The following FAXDC2 variants were observed in gnomAD, a reference collection of about 807,000 sequenced individuals.
FAXDC2 encodes fatty acid hydroxylase domain containing 2, also known as fatty acid hydroxylase domain-containing protein 2.
FAXDC2 carries 41 observed loss-of-function variants against 40.9 expected under a neutral mutation model. That is an observed-to-expected ratio of 1.00 (90% CI 0.78 to 1.30). FAXDC2 has a LOEUF of 1.30. FAXDC2 is among the 50% of genes most tolerant of loss of function. The pLI is 0.00. For synonymous variants in FAXDC2, 157 were observed against 149.3 expected (o/e 1.05, Z -0.38); for missense variants, 390 against 408.8 (o/e 0.95, Z 0.40).
chr5:154,826,294 G>A (rs553264586), intron 5 of FAXDC2, among the ~76,000 whole-genome samples: 3 of 152,250 alleles, frequency 2.0e-5, no homozygotes, highest in South Asian at 2.1e-4. Context: ...TTGTGAGGCC[G>A]AGGTGGATGG....
intron 2 of FAXDC2, among the ~76,000 whole-genome samples, chr5:154,836,823 T>C (rs1760360578): frequency 1.3e-5 from 2 of 152,062 alleles, no homozygotes; most frequent in African/African-American, 2.4e-5. Context: ...TGCAGGTGCC[T>C]GCCACCAAGC....
intron 5 of FAXDC2, among the ~76,000 whole-genome samples, chr5:154,825,342 C>T (rs1410353414): frequency 1.1e-4 from 11 of 101,816 alleles, no homozygotes; most frequent in African/African-American, 2.8e-4. Context: ...ACTCTAGCCT[C>T]GGTGACAGAG....
In FAXDC2 at chr5:154,822,556, G is replaced by A; in HGVS notation, c.594C>T (p.Phe198=). 1 of 1,614,080 alleles carries A rather than the reference G, an allele frequency of 6.2e-7. No homozygotes were observed. Among genetic ancestry groups the A allele is most frequent in the South Asian group, 1.1e-5 (1 of 91,088 alleles). The change falls in exon 7 of 9, where the codon TTC becomes TTT. Residue 198 remains phenylalanine, a synonymous_variant. Coordinates refer to ENST00000326080, the MANE Select transcript of FAXDC2 (RefSeq NM_032385.5). The part of the protein sequence containing the change: ...YSHRLLHHPT[F]YKKIHKKHHE... ...GGTGTTTCTTGTGGATTTTCTTGTAGAATGTTGGGTGGTGAAGGAGCCTGG... is the reference window on the plus strand; with the variant it reads ...GGTGTTTCTTGTGGATTTTCTTGTAAAATGTTGGGTGGTGAAGGAGCCTGG...
At chr5:154,826,265 T>C (rs1037911262) in intron 5 of FAXDC2, among the ~76,000 whole-genome samples, 2 of 152,000 alleles carry the variant, frequency 1.3e-5, no homozygotes, top group African/African-American at 2.4e-5. Context: ...CGGTGGCTCA[T>C]GCCTGTAATC....
At chr5:154,829,753 C>T (rs532347598) in intron 5 of FAXDC2, among the ~76,000 whole-genome samples, 1 of 152,304 alleles carries the variant, frequency 6.6e-6, no homozygotes, top group South Asian at 2.1e-4. Context: ...AGGTTCTTGG[C>T]CTCAGTTGAA....
In FAXDC2 at chr5:154,847,996, C is replaced by T. The variant is rs997776544; in HGVS notation, c.-1+2487G>A. ...CTGGGACCACAGGTGCCTGCCACCACGCCTGGCTAATTTTTTGTATTTTTA... is the reference window on the plus strand; with the variant it reads ...CTGGGACCACAGGTGCCTGCCACCATGCCTGGCTAATTTTTTGTATTTTTA... On this transcript the variant is annotated intron_variant, in intron 1 of 8. Coordinates refer to ENST00000326080, the MANE Select transcript of FAXDC2 (RefSeq NM_032385.5). 7.9e-5 allele frequency among the ~76,000 whole-genome samples: 12 copies of T among 151,860 alleles called. No individual in the cohort carries two copies. In the East Asian group the frequency reaches 1.2e-3, roughly 15 times the overall value.
chr5:154,834,457 C>T (rs1760268063), intron 4 of FAXDC2, among the ~76,000 whole-genome samples, 168 bp downstream of exon 4: 1 of 152,170 alleles, frequency 6.6e-6, no homozygotes, highest in Non-Finnish European at 1.5e-5. Context: ...TGTTTTCAGA[C>T]TGCCCACAAG....
At chr5:154,835,245 A>G (rs778313393) in intron 2 of FAXDC2, 8 of 279,874 alleles carry the variant, frequency 2.9e-5, no homozygotes, top group Non-Finnish European at 4.8e-5. Context: ...TATCAGCCAT[A>G]GGATTTCATC....
intron 5 of FAXDC2, among the ~76,000 whole-genome samples, chr5:154,826,975 T>G (rs1760054280): frequency 2.0e-5 from 3 of 152,218 alleles, no homozygotes; most frequent in Admixed American, 2.0e-4. Flanking sequence ...GTATGTATTT[T>G]TAACATTTTT....
intron 1 of FAXDC2, among the ~76,000 whole-genome samples, chr5:154,845,976 T>A (rs189503229): frequency 0.022 from 3,228 of 147,006 alleles, 57 homozygotes; most frequent in African/African-American, 0.049. Flanking sequence ...ATATATATAT[T>A]TTTTTTTAGT....
At chr5:154,847,687 C>T (rs1260930875) in intron 1 of FAXDC2, among the ~76,000 whole-genome samples, 1 of 150,430 alleles carries the variant, frequency 6.6e-6, no homozygotes, top group Non-Finnish European at 1.5e-5. Context: ...GACGGGGTTT[C>T]ACCATGTTGG....
chr5:154,823,487 T>C lies in FAXDC2; in HGVS notation c.472A>G (p.Arg158Gly). ...VFLYPFLKWW[R>G]DPCRRELPTF... ...GGTAGCTCACGGCGGCAGGGGTCTCTCCACCATTTGAGGAAGGGATAGAGG... is the reference window on the plus strand; with the variant it reads ...GGTAGCTCACGGCGGCAGGGGTCTCCCCACCATTTGAGGAAGGGATAGAGG... Residue 158 changes from arginine to glycine, a missense_variant, in exon 6 of 9, where the codon AGA (arginine) becomes GGA (glycine). Arg to Gly is a moderately radical substitution (Grantham distance 125). Coordinates refer to ENST00000326080, the MANE Select transcript of FAXDC2 (RefSeq NM_032385.5). 4 of 1,614,124 alleles carry C rather than the reference T, an allele frequency of 2.5e-6. No individual in the cohort carries two copies. Among genetic ancestry groups the C allele is most frequent in the Non-Finnish European group, 2.5e-6 (3 of 1,180,010 alleles).
rs1449925654 is a variant in FAXDC2 at position 154,820,469 on chromosome 5, G to T, written c.849C>A (p.Phe283Leu). The part of the protein sequence containing the change: ...PEFHDYHHLK[F>L]NQCYGVLGVL... Reference sequence around the variant, plus strand: ...CACCCAGCACCCCATAGCACTGGTTGAACCTAGAAGAGAGAGGACGGCACT... The same window carrying T: ...CACCCAGCACCCCATAGCACTGGTTTAACCTAGAAGAGAGAGGACGGCACT... The change falls in exon 9 of 9, where the codon TTC becomes TTA. Residue 283 changes from phenylalanine to leucine, a missense_variant. Coordinates refer to ENST00000326080, the MANE Select transcript of FAXDC2 (RefSeq NM_032385.5). The T allele has an allele frequency of 2.5e-6, 4 of 1,608,070 alleles. No individual in the cohort carries two copies. Among genetic ancestry groups the T allele is most frequent in the African/African-American group, 1.3e-5 (1 of 74,698 alleles).
intron 5 of FAXDC2, among the ~76,000 whole-genome samples, chr5:154,829,773 A>C (rs769245407): frequency 3.3e-5 from 5 of 152,212 alleles, no homozygotes; most frequent in Non-Finnish European, 7.3e-5. Context: ...AGATGTGAGC[A>C]TTTAGTCAGT....
chr5:154,845,126 A>G (rs1333902400), intron 1 of FAXDC2, among the ~76,000 whole-genome samples: 5 of 152,214 alleles, frequency 3.3e-5, no homozygotes, highest in Non-Finnish European at 7.3e-5. Context: ...ATACTTATCT[A>G]GGTACTGAGT....
intron 2 of FAXDC2, among the ~76,000 whole-genome samples, chr5:154,837,629 A>G (rs924800358): frequency 6.6e-6 from 1 of 152,124 alleles, no homozygotes; most frequent in Non-Finnish European, 1.5e-5. Flanking sequence ...CACATACAGG[A>G]TTAGATATTT....
intron 1 of FAXDC2, among the ~76,000 whole-genome samples, chr5:154,848,722 T>C (rs1380483599): frequency 6.6e-6 from 1 of 152,162 alleles, no homozygotes; most frequent in African/African-American, 2.4e-5. Context: ...ATCCCAGCAC[T>C]TTGGGAGGCC....
At position 154,834,840 on chromosome 5, in the gene FAXDC2, T is replaced by C. The variant is rs1760279272; in HGVS notation, c.140+3A>G. ...GCACCCTAGCTGGGTGGAGCCGACT[T>C]ACCATGTCACTGAGTTCCAGAAGGC... On this transcript the variant is annotated splice_donor_region_variant and intron_variant, in intron 3 of 8. Coordinates refer to ENST00000326080, the MANE Select transcript of FAXDC2 (RefSeq NM_032385.5). 6.2e-7 allele frequency: 1 copy of C among 1,610,508 alleles called. No individual in the cohort carries two copies. The highest frequency in any genetic ancestry group is 8.5e-7 in the Non-Finnish European group (1 of 1,177,968).
intron 5 of FAXDC2, among the ~76,000 whole-genome samples, chr5:154,828,937 T>G (rs1331164485): frequency 8.0e-6 from 1 of 124,646 alleles, no homozygotes; most frequent in Non-Finnish European, 1.7e-5. Flanking sequence ...TTTTTTTTTT[T>G]GAGGCAGAGT....
Sources: allele counts gnomAD v4.1 joint callset (sites outside exome capture counted in the v4.1 genomes callset), GRCh38; gene constraint gnomAD v4.1.1; transcripts MANE v1.5; gene names NCBI Gene and HGNC (gene_info 2026-07-23, HGNC 2026-07-21).